Variants in COL24A1 observed in about 807,000 individuals in gnomAD.
COL24A1 encodes the protein collagen type XXIV alpha 1 chain.
In COL24A1, 224 loss-of-function variants were observed where a neutral mutation model predicts 253.9. That is an observed-to-expected ratio of 0.88 (90% CI 0.79 to 0.99). The LOEUF (loss-of-function observed/expected upper bound fraction) is 0.99, where lower values mean the gene tolerates loss of function less well. COL24A1 is among the 50% of genes least tolerant of loss of function. The pLI, the probability that COL24A1 is intolerant of heterozygous loss-of-function variation, is 0.00. For missense variants in COL24A1, 2,131 were observed against 2,068.5 expected, an observed-to-expected ratio of 1.03 and a Z score of -0.59; for synonymous variants, 685 against 673.7, an observed-to-expected ratio of 1.02 and a Z score of -0.26.
At chr1:86,142,441 T>A (rs1389849618) in intron 2 of COL24A1, among the ~76,000 whole-genome samples, 1 of 149,000 alleles carries the variant, frequency 6.7e-6, no homozygotes, top group African/African-American at 2.5e-5. Flanking sequence ...GAGAATGGCG[T>A]GAACCTGGGA....
At chr1:85,966,500 T>C (rs564709790) in intron 22 of COL24A1, among the ~76,000 whole-genome samples, 1 of 152,270 alleles carries the variant, frequency 6.6e-6, no homozygotes, top group African/African-American at 2.4e-5. Context: ...TGACCTCATT[T>C]AGCCAGTGAG....
chr1:85,833,467 C>G lies in COL24A1; in HGVS notation c.3681+5118G>C, dbSNP rs577073250. On this transcript the variant is annotated intron_variant, in intron 43 of 59. Coordinates refer to ENST00000370571, the MANE Select transcript of COL24A1 (RefSeq NM_152890.7). ...TGATCAGTAAAAAGTCAGGAAACAA[C>G]AGGTGCTGGAGAGGATGTGGAGAAA... Among the ~76,000 whole-genome samples, 456 of 152,268 alleles carry G rather than the reference C, an allele frequency of 3.0e-3. 1 individual carries two copies. Among genetic ancestry groups the G allele is most frequent in the Middle Eastern group, 0.01 (3 of 294 alleles).
At position 86,156,754 on chromosome 1, in the gene COL24A1, G is replaced by A. The variant is rs971852963; in HGVS notation, c.-358C>T. The A allele has an allele frequency of 1.1e-5, 2 of 183,896 alleles. No individual in the cohort carries two copies. The highest frequency in any genetic ancestry group is 2.2e-5 in the Non-Finnish European group (2 of 89,688). 11.4% of individuals were successfully genotyped at this position (183,896 alleles called of 1,614,324 possible). ...ACTCAAGTTCACTTGCGGTTCAAAG[G>A]CGACTCTGTGACTCCAGTGGAGTCC... On this transcript the variant is annotated 5_prime_UTR_variant, in exon 1 of 60. Coordinates refer to ENST00000370571, the MANE Select transcript of COL24A1 (RefSeq NM_152890.7).
rs71078631 is a variant in COL24A1, at chr1:85,960,883, CAATAAATAAATAAATAAATAAATAAATA to C, written c.2562+338_2562+365del. On this transcript the variant is annotated intron_variant, in intron 24 of 59. Transcript: ENST00000370571. ...TGGGTGACAGAGCAAGACTCCATCT[CAATAAATAAATAAATAAATAAATAAATA>C]AATAAATAAATAAATAAAATAGTGA... 7 of 160,080 alleles carry C rather than the reference CAATAAATAAATAAATAAATAAATAAATA, an allele frequency of 4.4e-5. 1 individual carries two copies. In the East Asian group the frequency reaches 1.1e-3, roughly 25 times the overall value. The allele number at this position is 160,080 out of a possible 1,614,324, so 9.9% of individuals were successfully genotyped here.
At chr1:85,969,529 C>G (rs1441275081) in intron 22 of COL24A1, among the ~76,000 whole-genome samples, 2 of 142,034 alleles carry the variant, frequency 1.4e-5, no homozygotes, top group East Asian at 4.3e-4. Context: ...TGCTTGAACC[C>G]AGGAGGTGGA....
At chr1:85,824,530 G>GCCC (rs1674006262) in intron 43 of COL24A1, among the ~76,000 whole-genome samples, 1 of 152,080 alleles carries the variant, frequency 6.6e-6, no homozygotes, top group Non-Finnish European at 1.5e-5. Flanking sequence ...CAACTATTTG[G>GCCC]ACGGTAGATT....
At chr1:86,132,878 A>C (rs1157794433) in intron 2 of COL24A1, among the ~76,000 whole-genome samples, 2 of 151,874 alleles carry the variant, frequency 1.3e-5, no homozygotes, top group African/African-American at 2.4e-5. Context: ...TGAACTTTAA[A>C]GTAGTTTTTT....
At chr1:86,077,510 A>C (rs1702336434) in intron 7 of COL24A1, among the ~76,000 whole-genome samples, 1 of 152,232 alleles carries the variant, frequency 6.6e-6, no homozygotes, top group Non-Finnish European at 1.5e-5. Context: ...AAGATTATAA[A>C]TCAGTCTACT....
intron 57 of COL24A1, among the ~76,000 whole-genome samples, chr1:85,739,176 T>C (rs1230964811): frequency 2.0e-5 from 3 of 152,222 alleles, no homozygotes; most frequent in East Asian, 1.9e-4. Context: ...TCTTACCTAA[T>C]GGAGTAAACA....
intron 14 of COL24A1, among the ~76,000 whole-genome samples, chr1:86,024,667 A>T (rs1697856281): frequency 6.6e-6 from 1 of 152,212 alleles, no homozygotes; most frequent in Admixed American, 6.5e-5. Context: ...TTGTAATTTC[A>T]AATTATGTCA....
chr1:85,784,052 A>G (rs41371348), intron 50 of COL24A1, 61 bp downstream of exon 50: 14 of 1,325,652 alleles, frequency 1.1e-5, no homozygotes, highest in Non-Finnish European at 1.5e-5. Flanking sequence ...AGACTATATT[A>G]TTTCAACAGC....
chr1:86,005,417 T>C (rs1695854677), intron 19 of COL24A1, among the ~76,000 whole-genome samples: 1 of 151,634 alleles, frequency 6.6e-6, no homozygotes, highest in Non-Finnish European at 1.5e-5. Context: ...CCAGAAATTA[T>C]TAACAAAATC....
At chr1:85,995,084 C>T (rs1444885813) in intron 19 of COL24A1, among the ~76,000 whole-genome samples, 1 of 152,094 alleles carries the variant, frequency 6.6e-6, no homozygotes, top group Non-Finnish European at 1.5e-5. Flanking sequence ...ACTACAAAGA[C>T]AATAAAATTC....
chr1:85,865,001 C>T lies in COL24A1; in HGVS notation c.3300+3518G>A, dbSNP rs113481838. On this transcript the variant is annotated intron_variant, in intron 37 of 59. Transcript: ENST00000370571. ...GCATTTAGGCAACTGAACATTTTAGCACAAGATTCAAGCATAAAATATACA... is the reference window on the plus strand; with the variant it reads ...GCATTTAGGCAACTGAACATTTTAGTACAAGATTCAAGCATAAAATATACA... 5.9e-3 allele frequency among the ~76,000 whole-genome samples: 892 copies of T among 152,148 alleles called. 7 individuals are homozygous for T. Among genetic ancestry groups the T allele is most frequent in the African/African-American group, 0.021 (861 of 41,508 alleles).
Position 85,908,450 on chromosome 1 carries a change from G to C in COL24A1, c.2724+148C>G, listed in dbSNP as rs1313690821. On this transcript the variant is annotated intron_variant, in intron 27 of 59. Transcript: ENST00000370571. Reference sequence around the variant, plus strand: ...TCAAGATATCATGACAAATTCAAGAGTGTTTTGTATAGTTGGGAGAGAAGC... The same window carrying C: ...TCAAGATATCATGACAAATTCAAGACTGTTTTGTATAGTTGGGAGAGAAGC... The C allele has an allele frequency of 6.5e-6, 3 of 460,384 alleles. No homozygotes were observed. The East Asian group carries it at 1.1e-4, about 16-fold the overall frequency. 28.5% of individuals were successfully genotyped at this position (460,384 alleles called of 1,614,324 possible).
At chr1:86,104,664 TC>T (rs1366329729) in intron 5 of COL24A1, among the ~76,000 whole-genome samples, 2 of 152,216 alleles carry the variant, frequency 1.3e-5, no homozygotes, top group African/African-American at 4.8e-5. Flanking sequence ...AACTCACAAC[TC>T]CTGGACTACA....
rs559412481 is a variant in COL24A1 at position 85,737,089 on chromosome 1, T to A, written c.4782+307A>T. ...TTACAAACACTAGCTGTTTAAGAAA[T>A]TTCTAATGTGTGTGTATGCATAAAA... is the stretch of plus-strand genomic sequence containing the variant. On this transcript the variant is annotated intron_variant, in intron 58 of 59. Transcript: ENST00000370571. 2.6e-5 allele frequency among the ~76,000 whole-genome samples: 4 copies of A among 152,242 alleles called. No individual in the cohort carries two copies. In the South Asian group the frequency reaches 8.3e-4, roughly 32 times the overall value.
rs1477550799 is a variant in COL24A1, at chr1:86,146,328, A to G, written c.57-145T>C. ...TTTAATATTCATAGTGGTTAAGACC[A>G]AAGGCTCTGAAGTGAAATTCCAGTT... On this transcript the variant is annotated intron_variant, in intron 1 of 59. Coordinates refer to ENST00000370571, the MANE Select transcript of COL24A1 (RefSeq NM_152890.7). 8.0e-6 allele frequency: 5 copies of G among 626,924 alleles called. No individual in the cohort carries two copies. In the East Asian group the frequency reaches 1.5e-4, roughly 19 times the overall value. The allele number at this position is 626,924 out of a possible 1,614,324, so 38.8% of individuals were successfully genotyped here.
intron 32 of COL24A1, among the ~76,000 whole-genome samples, chr1:85,886,594 G>A (rs758340461): frequency 6.6e-6 from 1 of 151,930 alleles, no homozygotes; most frequent in African/African-American, 2.4e-5. Context: ...GAACCTGGGA[G>A]GCGGAGGTTG....
Sources: gnomAD v4.1 joint callset for allele counts (sites outside exome capture counted in the v4.1 genomes callset) on GRCh38, gnomAD v4.1.1 for gene constraint, MANE v1.5 for transcripts, NCBI Gene and HGNC (gene_info 2026-07-23, HGNC 2026-07-21) for gene names.